The following NAV2 variants were observed in gnomAD, a reference collection of about 807,000 sequenced individuals.
NAV2 encodes the protein helicase, APC down-regulated 1.
NAV2 carries 54 observed loss-of-function variants against 223.2 expected under a neutral mutation model. The ratio of observed to expected loss-of-function variants is 0.24; its 90% CI spans 0.19 to 0.30. The LOEUF (loss-of-function observed/expected upper bound fraction) is 0.30. Ranked by LOEUF, NAV2 falls within the 10% of genes least tolerant of loss-of-function variation. NAV2 has a pLI of 1.00. For missense variants in NAV2, 2,806 were observed against 3,147.5 expected (o/e 0.89, Z 2.60); for synonymous variants, 1,279 against 1,239.3 (o/e 1.03, Z -0.67).
At position 20,058,770 on chromosome 11, in the gene NAV2, G is replaced by A. The variant is rs149109955; in HGVS notation, c.4831+2813G>A. ...CAGCCTGTTTCCTATTCACTGAAAT[G>A]TGAAAAATAATTGTACCTGCTTTGG... On this transcript the variant is annotated intron_variant, in intron 19 of 37. Coordinates refer to ENST00000349880, the MANE Select transcript of NAV2 (RefSeq NM_145117.5). Among the ~76,000 whole-genome samples, 477 of 152,344 alleles carry A rather than the reference G, an allele frequency of 3.1e-3. 1 individual carries two copies. Among genetic ancestry groups the A allele is most frequent in the Non-Finnish European group, 4.9e-3 (335 of 68,036 alleles).
chr11:20,035,933 C>T, intron 11 of NAV2, 26 bp from the exon 12 acceptor site: 4 of 1,613,826 alleles, frequency 2.5e-6, no homozygotes, highest in South Asian at 2.2e-5. Context: ...GGTTTTGGTG[C>T]TCAGGATGTG....
chr11:19,538,427 A>G (rs1208514465), intron 1 of NAV2, among the ~76,000 whole-genome samples: 1 of 151,912 alleles, frequency 6.6e-6, no homozygotes, highest in African/African-American at 2.4e-5. Flanking sequence ...TGCAGCCTGG[A>G]CCTCGTAGGT....
intron 1 of NAV2, among the ~76,000 whole-genome samples, chr11:19,396,602 G>A (rs1590119604): frequency 1.3e-5 from 2 of 152,168 alleles, no homozygotes; most frequent in East Asian, 3.9e-4. Context: ...GCACCTCACT[G>A]GGTGGGGAGG....
At chr11:19,899,771 T>G (rs2042289400) in intron 6 of NAV2, among the ~76,000 whole-genome samples, 1 of 152,202 alleles carries the variant, frequency 6.6e-6, no homozygotes, top group Admixed American at 6.5e-5. Flanking sequence ...AAATTTTTGC[T>G]TAGAGAAAAG....
intron 3 of NAV2, among the ~76,000 whole-genome samples, chr11:19,858,136 G>T (rs944655368): frequency 1.3e-5 from 2 of 152,216 alleles, no homozygotes; most frequent in Non-Finnish European, 2.9e-5. Context: ...GATTAAAGGC[G>T]TGAGCCACCA....
At chr11:19,962,042 G>A (rs974247815) in intron 10 of NAV2, among the ~76,000 whole-genome samples, 2 of 151,632 alleles carry the variant, frequency 1.3e-5, no homozygotes, top group African/African-American at 4.8e-5. Context: ...AGATGCCCTC[G>A]TTGCAGGCCA....
Position 19,869,018 on chromosome 11 carries a change from C to G in NAV2, c.511+21C>G, listed in dbSNP as rs202191048. ...AGAAGGTGAGTCAGAGCGCTTGTCA[C>G]GAAGCTGCCTCTTCATCATTAGAAA... On this transcript the variant is annotated intron_variant, in intron 4 of 37. Transcript: ENST00000349880. 227 of 1,610,680 alleles carry G rather than the reference C, an allele frequency of 1.4e-4. 1 individual carries two copies. The highest frequency in any genetic ancestry group is 1.7e-4 in the Non-Finnish European group (200 of 1,177,468).
chr11:19,504,811 T>G (rs1003273284), intron 1 of NAV2: 1 of 152,216 alleles, frequency 6.6e-6, no homozygotes, highest in African/African-American at 2.4e-5. Context: ...ATTCACATTT[T>G]TGAGCAGTTT....
intron 1 of NAV2, among the ~76,000 whole-genome samples, chr11:19,607,696 AG>A (rs2046519714): frequency 6.6e-6 from 1 of 152,210 alleles, no homozygotes; most frequent in Admixed American, 6.5e-5. Context: ...TTTGAGGGAC[AG>A]GGAAGTAAAC....
chr11:19,806,390 C>T (rs1202169885), intron 1 of NAV2, among the ~76,000 whole-genome samples: 4 of 152,232 alleles, frequency 2.6e-5, no homozygotes, highest in Non-Finnish European at 5.9e-5. Flanking sequence ...CTGTTGTCAT[C>T]AGATTCCTTT....
In NAV2 at chr11:20,103,169, C is replaced by A. The variant is rs1004874285; in HGVS notation, c.6418-86C>A. On this transcript the variant is annotated intron_variant, in intron 32 of 37. Coordinates refer to ENST00000349880, the MANE Select transcript of NAV2 (RefSeq NM_145117.5). ...GAAGGGCCTTTCTGCCTCCACTGGCCTGGGTGAGGCAAAGGCCCTGAGCGG... is the reference window on the plus strand; with the variant it reads ...GAAGGGCCTTTCTGCCTCCACTGGCATGGGTGAGGCAAAGGCCCTGAGCGG... The A allele has an allele frequency of 2.3e-5, 31 of 1,356,798 alleles. No individual in the cohort carries two copies. The African/African-American group carries it at 4.0e-4, about 18-fold the overall frequency. 84.0% of individuals were successfully genotyped at this position (1,356,798 alleles called of 1,614,324 possible).
chr11:19,605,385 T>G (rs1436507497), intron 1 of NAV2, among the ~76,000 whole-genome samples: 1 of 152,194 alleles, frequency 6.6e-6, no homozygotes. Context: ...TGGACTCCTC[T>G]GCACTGATCC....
At chr11:19,858,723 A>G (rs184266656) in intron 3 of NAV2, among the ~76,000 whole-genome samples, 2 of 152,362 alleles carry the variant, frequency 1.3e-5, no homozygotes, top group East Asian at 1.9e-4. Flanking sequence ...GACTTTGACC[A>G]CAAAGTTTTT....
At chr11:19,831,145 G>T (rs1030093989) in intron 1 of NAV2, among the ~76,000 whole-genome samples, 1 of 145,432 alleles carries the variant, frequency 6.9e-6, no homozygotes, top group African/African-American at 2.5e-5. Flanking sequence ...AGGTGGAGTA[G>T]CCAGAGATGC....
chr11:19,734,911 G>A (rs1379962977), intron 1 of NAV2, among the ~76,000 whole-genome samples: 1 of 152,160 alleles, frequency 6.6e-6, no homozygotes, highest in African/African-American at 2.4e-5. Context: ...GGGCCCTCCA[G>A]CCCACCTAGG....
chr11:19,591,059 T>C (rs2135141266), intron 1 of NAV2: 2 of 152,346 alleles, frequency 1.3e-5, no homozygotes. Context: ...AGAAAGCATA[T>C]TGTTATTTTG....
intron 1 of NAV2, among the ~76,000 whole-genome samples, chr11:19,588,845 T>C (rs1381945508): frequency 1.3e-5 from 2 of 152,240 alleles, no homozygotes; most frequent in Admixed American, 6.5e-5. Context: ...CAGCCTCATT[T>C]GTGCCAGGTT....
intron 1 of NAV2, among the ~76,000 whole-genome samples, chr11:19,788,995 G>C (rs1043571281): frequency 3.9e-5 from 6 of 152,006 alleles, no homozygotes; most frequent in Non-Finnish European, 7.4e-5. Flanking sequence ...GCTCTCATGA[G>C]GGCAAGAATC....
At chr11:19,692,586 T>G (rs1311655727) in intron 1 of NAV2, among the ~76,000 whole-genome samples, 1 of 152,252 alleles carries the variant, frequency 6.6e-6, no homozygotes, top group East Asian at 1.9e-4. Context: ...GATTGAGTTT[T>G]TCCTACCTTA....
Sources: allele counts gnomAD v4.1 joint callset (sites outside exome capture counted in the v4.1 genomes callset), GRCh38; gene constraint gnomAD v4.1.1; transcripts MANE v1.5; gene names NCBI Gene and HGNC (gene_info 2026-07-23, HGNC 2026-07-21).